The following ABTB2 variants were observed in gnomAD, a reference collection of about 807,000 sequenced individuals.
ABTB2 encodes ankyrin repeat and BTB/POZ domain-containing protein 2.
In ABTB2, 56 loss-of-function variants were observed where a neutral mutation model predicts 104.1. That is an observed-to-expected ratio of 0.54 (90% CI 0.43 to 0.67). The LOEUF is 0.67. Among genes scored for constraint, ABTB2 ranks in the 30% least tolerant of loss-of-function variants. The pLI, the probability that ABTB2 is intolerant of heterozygous loss-of-function variation, is 0.00. For missense variants in ABTB2, 1,279 were observed against 1,407.7 expected (o/e 0.91, Z 1.46); for synonymous variants, 606 against 608.2 (o/e 1.00, Z 0.05).
At chr11:34,306,698 T>A (rs979357806) in intron 1 of ABTB2, among the ~76,000 whole-genome samples, 1 of 151,964 alleles carries the variant, frequency 6.6e-6, no homozygotes, top group African/African-American at 2.4e-5. Flanking sequence ...CACTCCAGCC[T>A]GGGTGACACA....
At chr11:34,297,260 C>A in intron 1 of ABTB2, among the ~76,000 whole-genome samples, 1 of 152,110 alleles carries the variant, frequency 6.6e-6, no homozygotes, top group East Asian at 1.9e-4. Context: ...AGTCTTTGTA[C>A]CTAGAGCTTG....
intron 1 of ABTB2, among the ~76,000 whole-genome samples, chr11:34,348,452 T>C (rs759640263): frequency 6.6e-5 from 10 of 152,216 alleles, no homozygotes; most frequent in Non-Finnish European, 1.2e-4. Context: ...GAACTTGCTG[T>C]TCTCCAACAC....
chr11:34,270,586 C>T (rs1396629795), intron 1 of ABTB2, among the ~76,000 whole-genome samples: 5 of 152,178 alleles, frequency 3.3e-5, no homozygotes, highest in African/African-American at 7.2e-5. Context: ...GTGATCCGCC[C>T]GCCTCAGCCT....
rs1041222066 is a variant in ABTB2, at chr11:34,328,330, C to G, written c.883+28371G>C. 3.3e-5 allele frequency among the ~76,000 whole-genome samples: 5 copies of G among 152,144 alleles called. No homozygotes were observed. In the East Asian group the frequency reaches 9.6e-4, roughly 29 times the overall value. The stretch of plus-strand genomic sequence containing the variant: ...AAATCCTGCAATGACAGTCTCTATC[C>G]ACAGCATCGGAGTGAGGGACGCAGG... On this transcript the variant is annotated intron_variant, in intron 1 of 16. Coordinates refer to ENST00000435224, the MANE Select transcript of ABTB2 (RefSeq NM_145804.3).
chr11:34,210,737 C>A (rs1394165485), intron 1 of ABTB2, among the ~76,000 whole-genome samples: 3 of 152,190 alleles, frequency 2.0e-5, no homozygotes, highest in African/African-American at 7.2e-5. Flanking sequence ...CACCGCCTGT[C>A]CCTAGTTTCT....
At chr11:34,266,222 C>G (rs1185420462) in intron 1 of ABTB2, among the ~76,000 whole-genome samples, 3 of 152,112 alleles carry the variant, frequency 2.0e-5, no homozygotes, top group Non-Finnish European at 4.4e-5. Context: ...AGCTGGGACT[C>G]CAGGCACATG....
intron 1 of ABTB2, among the ~76,000 whole-genome samples, chr11:34,301,694 A>G (rs1297048273): frequency 3.3e-5 from 5 of 152,244 alleles, no homozygotes; most frequent in Non-Finnish European, 7.3e-5. Flanking sequence ...ACATTTAAAC[A>G]TAATATAGGC....
At chr11:34,186,379 C>A (rs1207173291) in intron 3 of ABTB2, among the ~76,000 whole-genome samples, 1 of 152,240 alleles carries the variant, frequency 6.6e-6, no homozygotes, top group African/African-American at 2.4e-5. Flanking sequence ...CTCGGCTTGG[C>A]TCCAGATACC....
intron 1 of ABTB2, among the ~76,000 whole-genome samples, chr11:34,210,261 TC>T (rs1375199629): frequency 2.6e-5 from 4 of 152,290 alleles, no homozygotes; most frequent in Admixed American, 2.0e-4. Flanking sequence ...GCACTGGGAT[TC>T]TAGACTCTGA....
rs116823149 is a variant in ABTB2, at chr11:34,347,149, C to T, written c.883+9552G>A. Among the ~76,000 whole-genome samples, 525 of 152,216 alleles carry T rather than the reference C, an allele frequency of 3.4e-3. 4 individuals carry two copies. The highest frequency in any genetic ancestry group is 0.012 in the African/African-American group (502 of 41,532). ...CCTCAGCTTACTTTTAGAAAGCAAA[C>T]CATGGGCCGGGCATGGTGGCTCATG... On this transcript the variant is annotated intron_variant, in intron 1 of 16. Transcript: ENST00000435224.
chr11:34,199,564 A>G (rs1257101611), intron 2 of ABTB2, among the ~76,000 whole-genome samples: 1 of 152,310 alleles, frequency 6.6e-6, no homozygotes, highest in East Asian at 1.9e-4. Flanking sequence ...GATTGATTCA[A>G]GTCAGACACA....
chr11:34,223,068 C>G (rs1286486734), intron 1 of ABTB2, among the ~76,000 whole-genome samples: 1 of 152,152 alleles, frequency 6.6e-6, no homozygotes, highest in Non-Finnish European at 1.5e-5. Context: ...TTACAAACTC[C>G]TACTTACAGT....
intron 1 of ABTB2, among the ~76,000 whole-genome samples, chr11:34,336,863 C>T (rs983991548): frequency 5.9e-5 from 9 of 152,134 alleles, no homozygotes; most frequent in African/African-American, 2.2e-4. Context: ...GAGACTCACA[C>T]ACCAGGTCCT....
At chr11:34,232,829 C>G (rs980485620) in intron 1 of ABTB2, among the ~76,000 whole-genome samples, 9 of 151,824 alleles carry the variant, frequency 5.9e-5, no homozygotes, top group African/African-American at 1.7e-4. Context: ...TAAAATTAGC[C>G]AGGCGTAATG....
chr11:34,221,666 C>T (rs1455289670), intron 1 of ABTB2, among the ~76,000 whole-genome samples: 1 of 152,206 alleles, frequency 6.6e-6, no homozygotes, highest in Non-Finnish European at 1.5e-5. Flanking sequence ...CAACGCTCCC[C>T]TCACGGGGCA....
intron 1 of ABTB2, among the ~76,000 whole-genome samples, chr11:34,327,473 C>G (rs576208853): frequency 1.8e-4 from 27 of 152,280 alleles, no homozygotes; most frequent in African/African-American, 6.5e-4. Flanking sequence ...CTGGCTCTCA[C>G]TCTCAGGCCT....
At position 34,357,431 on chromosome 11, in the gene ABTB2, C is replaced by T. The variant is rs769560538; in HGVS notation, c.153G>A (p.Gly51=). Residue 51 remains glycine (G), a synonymous_variant, in exon 1 of 17, where the codon GGG becomes GGA. Transcript: ENST00000435224. ...AGCCGGAGTAGCACCACCAGGCCGC[C>T]CCGCGGTGCTGCTGCGCCGAAGAGT... is the stretch of plus-strand genomic sequence containing the variant. ...ALNSSAQQHR[G]AAWWCYSGSM... is the part of the protein sequence containing the mutation. 3.2e-6 allele frequency: 5 copies of T among 1,548,950 alleles called. No individual in the cohort carries two copies. The South Asian group carries it at 4.8e-5, about 15-fold the overall frequency.
chr11:34,226,803 C>T (rs1352880166), intron 1 of ABTB2, among the ~76,000 whole-genome samples: 2 of 152,190 alleles, frequency 1.3e-5, no homozygotes, highest in Non-Finnish European at 2.9e-5. Context: ...TGGTAGCTCA[C>T]ACCTGTAATC....
chr11:34,288,254 G>A (rs1854528144), intron 1 of ABTB2, among the ~76,000 whole-genome samples: 1 of 152,114 alleles, frequency 6.6e-6, no homozygotes, highest in Non-Finnish European at 1.5e-5. Context: ...TTAGACTACA[G>A]CCTATCATTT....
Sources: allele counts gnomAD v4.1 joint callset (sites outside exome capture counted in the v4.1 genomes callset), GRCh38; gene constraint gnomAD v4.1.1; transcripts MANE v1.5; gene names NCBI Gene and HGNC (gene_info 2026-07-23, HGNC 2026-07-21).